The following MTMR3 variants were observed in gnomAD, a reference collection of about 807,000 sequenced individuals.
MTMR3 encodes the protein phosphatidylinositol-3,5-bisphosphate 3-phosphatase MTMR3.
A neutral mutation model predicts 132.4 loss-of-function variants in MTMR3; 32 were observed. The observed-to-expected ratio is 0.24, with a 90% CI of 0.18 to 0.32. The LOEUF (loss-of-function observed/expected upper bound fraction) is 0.32. Ranked by LOEUF, MTMR3 falls within the 10% of genes least tolerant of loss-of-function variation. The probability of loss-of-function intolerance (pLI) is 1.00; values close to 1 mark genes in which losing one functional copy is unlikely to be tolerated. For synonymous variants in MTMR3, 556 were observed against 550.3 expected, an observed-to-expected ratio of 1.01 and a Z score of -0.14; for missense variants, 1,216 against 1,489.6, an observed-to-expected ratio of 0.82 and a Z score of 3.02.
At chr22:29,928,895 A>G (rs2065582555) in intron 1 of MTMR3, among the ~76,000 whole-genome samples, 1 of 152,196 alleles carries the variant, frequency 6.6e-6, no homozygotes, top group Non-Finnish European at 1.5e-5. Context: ...TTACTTGGCT[A>G]TATGGAATAC....
At chr22:29,992,852 A>G (rs1338438137) in intron 7 of MTMR3, 2 of 152,188 alleles carry the variant, frequency 1.3e-5, no homozygotes. Context: ...TAGCATTAGC[A>G]TTATCTTATG....
chr22:30,016,360 T>C, intron 14 of MTMR3, 168 bp from the exon 15 acceptor site: 1 of 640,240 alleles, frequency 1.6e-6, no homozygotes, highest in Non-Finnish European at 2.7e-6. Context: ...GTCCTGGAAT[T>C]GGTGGTGTGA....
intron 5 of MTMR3, chr22:29,981,135 A>G (rs960382495): frequency 3.9e-5 from 6 of 152,202 alleles, no homozygotes; most frequent in Non-Finnish European, 8.8e-5. Flanking sequence ...TATCTTGTAC[A>G]TTCTTTTATA....
chr22:29,888,842 C>T (rs202087571), intron 1 of MTMR3, among the ~76,000 whole-genome samples: 141 of 143,102 alleles, frequency 9.9e-4, no homozygotes, highest in African/African-American at 3.4e-3. Context: ...GGCGCGATCT[C>T]GGCTCACTGT....
intron 1 of MTMR3, among the ~76,000 whole-genome samples, chr22:29,884,779 G>T (rs1025775681): frequency 2.2e-4 from 33 of 152,216 alleles, no homozygotes; most frequent in African/African-American, 7.9e-4. Flanking sequence ...GGCCAGGCTG[G>T]CCTGGAACTC....
intron 1 of MTMR3, among the ~76,000 whole-genome samples, chr22:29,918,914 A>G (rs188438803): frequency 1.3e-5 from 2 of 152,238 alleles, no homozygotes; most frequent in East Asian, 1.9e-4. Context: ...CTTATTTCCT[A>G]TTTATTTATT....
chr22:29,891,276 G>A (rs1283911974), intron 1 of MTMR3, among the ~76,000 whole-genome samples: 2 of 151,144 alleles, frequency 1.3e-5, no homozygotes, highest in East Asian at 3.9e-4. Flanking sequence ...TTACCCTGGG[G>A]TGTCTTGGTT....
At position 30,013,439 on chromosome 22, in the gene MTMR3, T is replaced by G. The variant is rs1187456146; in HGVS notation, c.1401T>G (p.Asp467Glu). The G allele has an allele frequency of 1.9e-6, 3 of 1,614,064 alleles. No individual in the cohort carries two copies. Among genetic ancestry groups the G allele is most frequent in the Non-Finnish European group, 2.5e-6 (3 of 1,180,020 alleles). ...GGTGTGGTCATGGGGAGAACTCGGA[T>G]GATCTGAATGAACGTTGCCCAGTGT... ...ADRCGHGENS[D>E]DLNERCPVFL... is the part of the protein sequence containing the mutation. The change falls in exon 14 of 20, where the codon GAT becomes GAG. Residue 467 changes from aspartate (D) to glutamate (E), a missense_variant. This residue lies in a region of MTMR3 where 106 missense variants were observed against 209.5 expected (regional missense o/e 0.51). Coordinates refer to ENST00000401950, the MANE Select transcript of MTMR3 (RefSeq NM_021090.4).
At chr22:29,903,166 A>G (rs898455344) in intron 1 of MTMR3, among the ~76,000 whole-genome samples, 2 of 152,196 alleles carry the variant, frequency 1.3e-5, no homozygotes, top group African/African-American at 4.8e-5. Flanking sequence ...CGGAGGCTGT[A>G]GTGAGCCAAG....
At chr22:29,883,951 G>A (rs2064609288) in intron 1 of MTMR3, among the ~76,000 whole-genome samples, 1 of 152,180 alleles carries the variant, frequency 6.6e-6, no homozygotes, top group Non-Finnish European at 1.5e-5. Flanking sequence ...AGGGAACCCT[G>A]GTCAGACTGC....
chr22:29,955,183 C>T (rs952595639), intron 1 of MTMR3, among the ~76,000 whole-genome samples: 44 of 152,106 alleles, frequency 2.9e-4, no homozygotes, highest in African/African-American at 1.0e-3. Context: ...ATGAGGTCTT[C>T]CCATGTTGCC....
At chr22:30,015,479 C>T (rs1027152596) in intron 14 of MTMR3, 2 of 151,202 alleles carry the variant, frequency 1.3e-5, no homozygotes, top group African/African-American at 2.4e-5. Flanking sequence ...TCTTTGTCAT[C>T]GTCAAGTCTC....
chr22:29,936,816 T>C lies in MTMR3; in HGVS notation c.-137-20220T>C, dbSNP rs372609742. Among the ~76,000 whole-genome samples, 4 of 152,290 alleles carry C rather than the reference T, an allele frequency of 2.6e-5. No homozygotes were observed. In the South Asian group the frequency reaches 6.2e-4, roughly 24 times the overall value. On this transcript the variant is annotated intron_variant, in intron 1 of 19. Transcript: ENST00000401950. ...ATTTTCTCATATTCCCAAAGACTTT[T>C]TTCAGTTTTCTAAGTGAATTAATTT...
intron 1 of MTMR3, among the ~76,000 whole-genome samples, chr22:29,913,750 G>A (rs1023160131): frequency 6.6e-6 from 1 of 151,308 alleles, no homozygotes; most frequent in Admixed American, 6.6e-5. Flanking sequence ...CAGGTTTTGG[G>A]TTTATTTATT....
rs1207451905 is a variant in MTMR3, at chr22:29,932,982, T to G, written c.-137-24054T>G. On this transcript the variant is annotated intron_variant, in intron 1 of 19. Transcript: ENST00000401950. The stretch of plus-strand genomic sequence containing the variant: ...TTTTATAAAATTTTAAAATTTTTAT[T>G]TTTTGAGATGGCGTCTTGCTCTGTT... Among the ~76,000 whole-genome samples the G allele has an allele frequency of 3.3e-5, 5 of 152,184 alleles. No homozygotes were observed. The East Asian group carries it at 9.6e-4, about 29-fold the overall frequency.
intron 6 of MTMR3, chr22:29,991,188 T>C (rs2066953741): frequency 5.7e-6 from 1 of 176,132 alleles, no homozygotes; most frequent in Non-Finnish European, 1.2e-5. Flanking sequence ...AGAAGTAGAA[T>C]GAAACTCCAC....
At chr22:30,023,447 C>G (rs1397235475) in intron 19 of MTMR3, 1 of 1,614,226 alleles carries the variant, frequency 6.2e-7, no homozygotes, top group Admixed American at 1.7e-5. Context: ...TCTTTCTCCC[C>G]TCCTTGCAGG....
intron 1 of MTMR3, among the ~76,000 whole-genome samples, chr22:29,898,491 C>T (rs371266193): frequency 2.6e-5 from 4 of 152,120 alleles, no homozygotes; most frequent in Admixed American, 1.3e-4. Context: ...CAGTTTTGAC[C>T]GCTCGGGCTC....
intron 2 of MTMR3, among the ~76,000 whole-genome samples, chr22:29,966,726 CGTGTGTGTGT>C (rs55960706): frequency 0.14 from 19,815 of 142,800 alleles, 1,391 homozygotes; most frequent in South Asian, 0.26. Flanking sequence ...TAGGGGTGTG[CGTGTGTGTGT>C]GTGTGTGTGT....
Sources: gnomAD v4.1 joint callset for allele counts (sites outside exome capture counted in the v4.1 genomes callset) on GRCh38, gnomAD v4.1.1 for gene constraint, gnomAD v4.1.1 regional missense constraint, MANE v1.5 for transcripts, NCBI Gene and HGNC (gene_info 2026-07-23, HGNC 2026-07-21) for gene names.